GRID2: variants seen among roughly 807,000 people sequenced by gnomAD.
GRID2 encodes glutamate ionotropic receptor delta type subunit 2.
GRID2 carries 33 observed loss-of-function variants against 114.8 expected under a neutral mutation model. That is an observed-to-expected ratio of 0.29 (90% CI 0.22 to 0.38). The LOEUF (loss-of-function observed/expected upper bound fraction) is 0.38. GRID2 is among the 10% of genes least tolerant of loss of function. The probability of loss-of-function intolerance (pLI) is 1.00; values close to 1 mark genes in which losing one functional copy is unlikely to be tolerated. For missense variants in GRID2, 1,184 were observed against 1,257.7 expected (o/e 0.94, Z 0.89); for synonymous variants, 505 against 449.9 (o/e 1.12, Z -1.55).
At chr4:92,351,183 T>C (rs909396028) in intron 1 of GRID2, among the ~76,000 whole-genome samples, 32 of 151,860 alleles carry the variant, frequency 2.1e-4, no homozygotes, top group African/African-American at 6.3e-4. Flanking sequence ...TTCTCTTAGG[T>C]ATATACCAAG....
chr4:92,378,837 T>G (rs761282357), intron 1 of GRID2, among the ~76,000 whole-genome samples: 3 of 152,034 alleles, frequency 2.0e-5, no homozygotes, highest in Non-Finnish European at 2.9e-5. Flanking sequence ...TGTCTTATGA[T>G]TTTGCTCATG....
chr4:93,741,957 T>C (rs1349284729), intron 14 of GRID2, among the ~76,000 whole-genome samples: 5 of 151,276 alleles, frequency 3.3e-5, no homozygotes, highest in Admixed American at 2.6e-4. Context: ...TTGTGGTGTG[T>C]TTGTTCATGT....
chr4:93,550,471 T>A (rs1269389772), intron 13 of GRID2, among the ~76,000 whole-genome samples: 2 of 152,194 alleles, frequency 1.3e-5, no homozygotes, highest in Admixed American at 1.3e-4. Context: ...CCATGACCCT[T>A]TGATCAGCAA....
At chr4:93,270,215 T>TACACAC (rs34945534) in intron 8 of GRID2, among the ~76,000 whole-genome samples, 494 of 137,172 alleles carry the variant, frequency 3.6e-3, no homozygotes, top group Non-Finnish European at 4.9e-3. Flanking sequence ...CACACACACA[T>TACACAC]ACACACACAC....
intron 2 of GRID2, among the ~76,000 whole-genome samples, chr4:92,944,317 C>A (rs546622696): frequency 5.3e-5 from 8 of 152,198 alleles, no homozygotes; most frequent in Non-Finnish European, 1.0e-4. Flanking sequence ...GCAGTTTGAT[C>A]TCAGACTGCT....
chr4:92,365,267 G>T (rs553736129), intron 1 of GRID2, among the ~76,000 whole-genome samples: 1 of 152,090 alleles, frequency 6.6e-6, no homozygotes, highest in South Asian at 2.1e-4. Context: ...AAGAAAATAT[G>T]GTACATATAC....
rs1727304420 is a variant in GRID2, at chr4:93,056,967, A to G, written c.245-28028A>G. On this transcript the variant is annotated intron_variant, in intron 2 of 15. Transcript: ENST00000282020. Reference sequence around the variant, plus strand: ...AATAGAAAATTGTTCTGAGTTTAATATTCTGGACAGAATTTTATAAATCCG... The same window carrying G: ...AATAGAAAATTGTTCTGAGTTTAATGTTCTGGACAGAATTTTATAAATCCG... 2.0e-5 allele frequency among the ~76,000 whole-genome samples: 3 copies of G among 152,028 alleles called. No individual in the cohort carries two copies. In the Admixed American group the frequency reaches 2.0e-4, roughly 10 times the overall value.
At chr4:92,839,394 A>G (rs1160289716) in intron 2 of GRID2, among the ~76,000 whole-genome samples, 1 of 147,922 alleles carries the variant, frequency 6.8e-6, no homozygotes, top group Non-Finnish European at 1.5e-5. Context: ...CATTAGGTAT[A>G]TCTCCTAATG....
chr4:92,961,067 C>T (rs1011150576), intron 2 of GRID2, among the ~76,000 whole-genome samples: 1 of 151,788 alleles, frequency 6.6e-6, no homozygotes, highest in Non-Finnish European at 1.5e-5. Flanking sequence ...CTTAATATTT[C>T]TAACTTCTTA....
At chr4:92,447,479 A>G (rs1055709984) in intron 1 of GRID2, among the ~76,000 whole-genome samples, 16 of 152,208 alleles carry the variant, frequency 1.1e-4, no homozygotes, top group African/African-American at 3.9e-4. Flanking sequence ...CAAACCAAGT[A>G]GTAGTTGCCT....
intron 4 of GRID2, among the ~76,000 whole-genome samples, chr4:93,150,461 A>G (rs989157608): frequency 6.6e-5 from 10 of 152,114 alleles, no homozygotes; most frequent in African/African-American, 2.4e-4. Context: ...ATCTGCCATT[A>G]CATCTGGTTT....
chr4:92,891,706 G>A (rs1746794493), intron 2 of GRID2, among the ~76,000 whole-genome samples: 1 of 152,136 alleles, frequency 6.6e-6, no homozygotes, highest in African/African-American at 2.4e-5. Flanking sequence ...GCCAGAATCT[G>A]GGACAGACTT....
chr4:92,880,040 T>G (rs1745898949), intron 2 of GRID2, among the ~76,000 whole-genome samples: 1 of 152,206 alleles, frequency 6.6e-6, no homozygotes, highest in Non-Finnish European at 1.5e-5. Context: ...GAATTTTTTG[T>G]CCAGTTTTGG....
At chr4:93,097,208 A>G (rs753437969) in intron 3 of GRID2, among the ~76,000 whole-genome samples, 23 of 152,116 alleles carry the variant, frequency 1.5e-4, no homozygotes, top group Admixed American at 2.6e-4. Context: ...GTTTTGAGTG[A>G]TAGTAACAGT....
intron 2 of GRID2, among the ~76,000 whole-genome samples, chr4:92,955,369 A>G (rs1460955160): frequency 6.6e-6 from 1 of 152,180 alleles, no homozygotes; most frequent in Non-Finnish European, 1.5e-5. Flanking sequence ...ATGGCCAGTG[A>G]TGATGAGCAT....
At chr4:93,761,020 A>G (rs1733161352) in intron 14 of GRID2, among the ~76,000 whole-genome samples, 1 of 152,188 alleles carries the variant, frequency 6.6e-6, no homozygotes, top group Non-Finnish European at 1.5e-5. Flanking sequence ...TATATTTTAC[A>G]ATATAATCAG....
intron 14 of GRID2, among the ~76,000 whole-genome samples, chr4:93,765,609 T>TATATATATATATATATATATGAGGC (rs1733596122): frequency 2.0e-5 from 1 of 51,268 alleles, no homozygotes; most frequent in African/African-American, 1.3e-4. Flanking sequence ...GGTGAGGTAT[T>TATATATATATATATATATATGAGGC]ATATATATAT....
intron 1 of GRID2, among the ~76,000 whole-genome samples, chr4:92,368,757 G>A (rs1728986130): frequency 6.6e-6 from 1 of 151,932 alleles, no homozygotes; most frequent in South Asian, 2.1e-4. Flanking sequence ...TTGTATCAAA[G>A]AATGAGCCAG....
chr4:92,378,286 C>T (rs1159000860), intron 1 of GRID2, among the ~76,000 whole-genome samples: 1 of 151,976 alleles, frequency 6.6e-6, no homozygotes, highest in African/African-American at 2.4e-5. Flanking sequence ...CTTCAAACCA[C>T]TCTCAGAGAT....
Sources: allele counts gnomAD v4.1 joint callset (sites outside exome capture counted in the v4.1 genomes callset), GRCh38; gene constraint gnomAD v4.1.1; transcripts MANE v1.5; gene names NCBI Gene and HGNC (gene_info 2026-07-23, HGNC 2026-07-21).